The following DNM3 variants were observed in gnomAD, a reference collection of about 807,000 sequenced individuals.
DNM3 encodes dynamin 3, also known as dynamin-3.
DNM3 carries 47 observed loss-of-function variants against 101.6 expected under a neutral mutation model. The observed-to-expected ratio is 0.46, with a 90% confidence interval of 0.37 to 0.59. The LOEUF (loss-of-function observed/expected upper bound fraction) is 0.59. DNM3 is among the 20% of genes least tolerant of loss of function. DNM3 has a pLI of 0.00. For synonymous variants in DNM3, 385 were observed against 387.9 expected, an observed-to-expected ratio of 0.99 and a Z score of 0.09; for missense variants, 849 against 1,085.7, an observed-to-expected ratio of 0.78 and a Z score of 3.06.
chr1:172,378,964 AT>A, intron 17 of DNM3, 53 bp from the exon 18 acceptor site: 1 of 1,554,860 alleles, frequency 6.4e-7, no homozygotes, highest in Non-Finnish European at 8.7e-7. Context: ...CTGACATTTT[AT>A]TTTCTTCTGA....
At chr1:172,178,548 T>C (rs1043631807) in intron 14 of DNM3, among the ~76,000 whole-genome samples, 2 of 151,580 alleles carry the variant, frequency 1.3e-5, no homozygotes, top group African/African-American at 4.8e-5. Context: ...GGAATGAACA[T>C]AGATGAAGCA....
chr1:171,971,371 T>A (rs1244216797), intron 2 of DNM3, among the ~76,000 whole-genome samples: 2 of 152,144 alleles, frequency 1.3e-5, no homozygotes, highest in Admixed American at 6.5e-5. Context: ...CCTCTCCCTT[T>A]GTGAAATCTA....
Position 172,294,942 on chromosome 1 carries a change from TAA to T in DNM3, c.1770-13785_1770-13784del, listed in dbSNP as rs1362577646. Among the ~76,000 whole-genome samples, 3 of 149,816 alleles carry T rather than the reference TAA, an allele frequency of 2.0e-5. No individual in the cohort carries two copies. In the East Asian group the frequency reaches 5.8e-4, roughly 29 times the overall value. ...AAAAAAAAAAAAAAGTAAAAAGTTA[TAA>T]GTTTCACTTTCCCCCTTCTCTATTT... is the stretch of plus-strand genomic sequence containing the variant. On this transcript the variant is annotated intron_variant, in intron 15 of 20. Transcript: ENST00000627582.
intron 11 of DNM3, among the ~76,000 whole-genome samples, chr1:172,074,493 T>G (rs1572390134): frequency 6.6e-6 from 1 of 150,704 alleles, no homozygotes; most frequent in East Asian, 2.0e-4. Context: ...CAGGCCCTGG[T>G]GTGTGATGCT....
intron 1 of DNM3, among the ~76,000 whole-genome samples, chr1:171,907,467 G>A (rs1282861307): frequency 1.3e-5 from 2 of 151,876 alleles, no homozygotes; most frequent in East Asian, 3.8e-4. Flanking sequence ...CCCCAGCCTG[G>A]GCAGCAAGAG....
intron 20 of DNM3, among the ~76,000 whole-genome samples, chr1:172,391,569 T>G (rs2069533469): frequency 6.6e-6 from 1 of 152,192 alleles, no homozygotes; most frequent in Admixed American, 6.5e-5. Context: ...TTGTTGAAAC[T>G]TCACCTTATT....
intron 14 of DNM3, among the ~76,000 whole-genome samples, chr1:172,150,280 G>A (rs553772347): frequency 1.3e-5 from 2 of 152,192 alleles, no homozygotes; most frequent in African/African-American, 2.4e-5. Context: ...AAAGTACTTG[G>A]CATATAAATT....
At chr1:172,357,375 T>C (rs904960777) in intron 17 of DNM3, among the ~76,000 whole-genome samples, 1 of 152,090 alleles carries the variant, frequency 6.6e-6, no homozygotes, top group Non-Finnish European at 1.5e-5. Context: ...ACATCACTAG[T>C]AATGAGACAG....
chr1:172,190,756 C>G lies in DNM3; in HGVS notation c.1659+59468C>G, dbSNP rs113531282. Reference sequence around the variant, plus strand: ...CATTGTGGTTTTGATTTGCATTTCTCTGATGGCCAGTGATGATGAGCATTT... The same window carrying G: ...CATTGTGGTTTTGATTTGCATTTCTGTGATGGCCAGTGATGATGAGCATTT... On this transcript the variant is annotated intron_variant, in intron 14 of 20. Transcript: ENST00000627582. Among the ~76,000 whole-genome samples the G allele has an allele frequency of 3.9e-5, 6 of 152,320 alleles. No homozygotes were observed. In the East Asian group the frequency reaches 1.2e-3, roughly 29 times the overall value.
At chr1:172,048,784 G>A (rs2049995446) in intron 10 of DNM3, 34 bp downstream of exon 10, 1 of 1,602,200 alleles carries the variant, frequency 6.2e-7, no homozygotes. Context: ...CCAGTACGTG[G>A]CTTTGGTTTA....
chr1:172,073,043 C>T (rs2052330926), intron 11 of DNM3, among the ~76,000 whole-genome samples: 1 of 151,926 alleles, frequency 6.6e-6, no homozygotes, highest in Non-Finnish European at 1.5e-5. Flanking sequence ...ATAATCCTAG[C>T]TTCTATGGAG....
chr1:172,131,235 G>A lies in DNM3; in HGVS notation c.1606G>A (p.Gly536Arg). 6.2e-7 allele frequency: 1 copy of A among 1,613,340 alleles called. No homozygotes were observed. The highest frequency in any genetic ancestry group is 1.1e-5 in the South Asian group (1 of 91,050). Residue 536 changes from glycine (G) to arginine (R), a missense_variant, in exon 14 of 21, where the codon GGA (glycine) becomes AGA (arginine). Physicochemically the swap from Gly to Arg is moderately radical, Grantham distance 125. Around this residue, in one of 5 missense-constraint regions of DNM3, gnomAD observed 193 missense variants for 238.4 expected, o/e 0.81. Coordinates refer to ENST00000627582, the MANE Select transcript of DNM3 (RefSeq NM_015569.5). ...TGGCATCATGAAAGGCGGCTCGAAG[G>A]GATACTGGTTCGTCCTTACTGCGGA... ...NIGIMKGGSK[G>R]YWFVLTAESL...
At chr1:172,336,710 A>T (rs191622710) in intron 17 of DNM3, among the ~76,000 whole-genome samples, 2,294 of 151,720 alleles carry the variant, frequency 0.015, 36 homozygotes, top group Non-Finnish European at 0.021. Context: ...TAAAAAAAAA[A>T]AAAAAAGTCC....
chr1:172,267,985 T>C (rs751109700), intron 15 of DNM3, among the ~76,000 whole-genome samples: 13 of 152,218 alleles, frequency 8.5e-5, no homozygotes, highest in Non-Finnish European at 1.5e-4. Context: ...GTGCTGGGAT[T>C]ACAGGTATGA....
chr1:172,180,350 G>A (rs2059302579), intron 14 of DNM3, among the ~76,000 whole-genome samples: 1 of 152,032 alleles, frequency 6.6e-6, no homozygotes, highest in Non-Finnish European at 1.5e-5. Flanking sequence ...CGTAGATAGG[G>A]CTGAGATTAT....
intron 11 of DNM3, 73 bp from the exon 12 acceptor site, chr1:172,081,759 G>T: frequency 8.5e-7 from 1 of 1,182,204 alleles, no homozygotes; most frequent in Non-Finnish European, 1.2e-6. Context: ...ATTAATTTGT[G>T]GGCAATTACT....
At chr1:172,354,403 C>T (rs915815127) in intron 17 of DNM3, among the ~76,000 whole-genome samples, 14 of 152,064 alleles carry the variant, frequency 9.2e-5, no homozygotes, top group African/African-American at 2.9e-4. Context: ...AGGCCAGGCT[C>T]CTCCCCACTG....
intron 14 of DNM3, among the ~76,000 whole-genome samples, chr1:172,204,208 C>T (rs1332617361): frequency 6.6e-6 from 1 of 152,056 alleles, no homozygotes. Context: ...TTAAAACTGG[C>T]ATATTTTTGG....
intron 4 of DNM3, among the ~76,000 whole-genome samples, chr1:172,018,360 A>G (rs2047594080): frequency 6.6e-6 from 1 of 152,146 alleles, no homozygotes; most frequent in Non-Finnish European, 1.5e-5. Context: ...TTCTTAGTAT[A>G]TAAGTTGCAC....
Sources: gnomAD v4.1 joint callset for allele counts (sites outside exome capture counted in the v4.1 genomes callset) on GRCh38, gnomAD v4.1.1 for gene constraint, gnomAD v4.1.1 regional missense constraint, MANE v1.5 for transcripts, NCBI Gene and HGNC (gene_info 2026-07-23, HGNC 2026-07-21) for gene names.